ZFYVE28: variants seen among roughly 807,000 people sequenced by gnomAD.
ZFYVE28 encodes the protein lateral signaling target protein 2 homolog.
A neutral mutation model predicts 82.1 loss-of-function variants in ZFYVE28; 40 were observed. The ratio of observed to expected loss-of-function variants is 0.49; its 90% CI spans 0.38 to 0.63. The LOEUF is 0.63. Among genes scored for constraint, ZFYVE28 ranks in the 30% least tolerant of loss-of-function variants. The pLI is 0.00. For synonymous variants in ZFYVE28, 612 were observed against 546.1 expected (o/e 1.12, Z -1.68); for missense variants, 1,321 against 1,242.1 (o/e 1.06, Z -0.96).
At chr4:2,318,425 GCGTA>G (rs1718546102) in intron 7 of ZFYVE28, among the ~76,000 whole-genome samples, 1 of 152,244 alleles carries the variant, frequency 6.6e-6, no homozygotes, top group East Asian at 1.9e-4. Context: ...GGGCATGGTG[GCGTA>G]CACCCGTAAT....
chr4:2,373,207 A>G (rs1727755419), intron 1 of ZFYVE28, among the ~76,000 whole-genome samples: 2 of 152,310 alleles, frequency 1.3e-5, no homozygotes, highest in South Asian at 4.1e-4. Flanking sequence ...TTTTATTATA[A>G]AAAGTATGAG....
intron 6 of ZFYVE28, among the ~76,000 whole-genome samples, chr4:2,322,371 C>T (rs79315658): frequency 0.044 from 6,641 of 152,206 alleles, 224 homozygotes; most frequent in Non-Finnish European, 0.072. Flanking sequence ...GGCTACAGCC[C>T]GACAGGCCAC....
chr4:2,352,820 T>C (rs1724674435), intron 2 of ZFYVE28, among the ~76,000 whole-genome samples: 1 of 152,134 alleles, frequency 6.6e-6, no homozygotes, highest in African/African-American at 2.4e-5. Context: ...TCACAGAGCA[T>C]GTAAAGGGAA....
chr4:2,292,015 G>T (rs528175315), intron 8 of ZFYVE28, among the ~76,000 whole-genome samples: 3 of 152,280 alleles, frequency 2.0e-5, no homozygotes, highest in African/African-American at 7.2e-5. Flanking sequence ...AGCCCTCAGT[G>T]CCACCTCCTT....
intron 8 of ZFYVE28, among the ~76,000 whole-genome samples, chr4:2,285,123 C>G (rs4974669): frequency 0.69 from 104,317 of 152,168 alleles, 37,282 homozygotes; most frequent in African/African-American, 0.89. Context: ...AGGCCCACAC[C>G]TGGGCAGAAC....
chr4:2,309,307 T>C (rs1717160703), intron 7 of ZFYVE28, among the ~76,000 whole-genome samples: 1 of 152,178 alleles, frequency 6.6e-6, no homozygotes, highest in Non-Finnish European at 1.5e-5. Flanking sequence ...AGCCACTTGA[T>C]CTTGGACCTC....
intron 7 of ZFYVE28, among the ~76,000 whole-genome samples, chr4:2,306,317 C>T (rs1267610604): frequency 3.9e-5 from 6 of 152,240 alleles, no homozygotes; most frequent in African/African-American, 9.6e-5. Context: ...TCCAGCACAG[C>T]CATGGCTATT....
At chr4:2,349,746 T>C (rs1724085307) in intron 2 of ZFYVE28, among the ~76,000 whole-genome samples, 1 of 151,888 alleles carries the variant, frequency 6.6e-6, no homozygotes, top group South Asian at 2.1e-4. Context: ...ACCATCAATG[T>C]AATTTACCAT....
intron 1 of ZFYVE28, among the ~76,000 whole-genome samples, chr4:2,368,337 A>G (rs1360397899): frequency 6.6e-6 from 1 of 152,070 alleles, no homozygotes; most frequent in African/African-American, 2.4e-5. Context: ...GGGAGGTGGA[A>G]GTTAGAGTGA....
Position 2,341,262 on chromosome 4 carries a change from T to G in ZFYVE28, c.318+216A>C, listed in dbSNP as rs752745622. 2 of 624,380 alleles carry G rather than the reference T, an allele frequency of 3.2e-6. No individual in the cohort carries two copies. The highest frequency in any genetic ancestry group is 5.5e-6 in the Non-Finnish European group (2 of 360,430). 38.7% of individuals were successfully genotyped at this position (624,380 alleles called of 1,614,324 possible). On this transcript the variant is annotated intron_variant, in intron 3 of 12. Coordinates refer to ENST00000290974, the MANE Select transcript of ZFYVE28 (RefSeq NM_020972.3). This position sits in a 1 kb window ranked among gnomAD's most constrained non-coding sequence, Gnocchi z 4.5. ...CCACATGGGAAATTTCATTTGTATG[T>G]ATAGTTTTGGGGGCACCAGTTCATG...
chr4:2,284,411 G>C (rs958126806), intron 8 of ZFYVE28, among the ~76,000 whole-genome samples: 2 of 152,204 alleles, frequency 1.3e-5, no homozygotes. Flanking sequence ...CCATGATGGG[G>C]AGGAGGAGAG....
Position 2,409,372 on chromosome 4 carries a change from C to T in ZFYVE28, c.39+8913G>A, listed in dbSNP as rs1052249440. On this transcript the variant is annotated intron_variant, in intron 1 of 12. Transcript: ENST00000290974. This position sits in a 1 kb window ranked among gnomAD's most constrained non-coding sequence, Gnocchi z 4.4. ...CTCTCCCACAGCAGGCCTGGAAGGA[C>T]CCCGCAAACAGCAGTGCTGACCCCA... 6.6e-6 allele frequency among the ~76,000 whole-genome samples: 1 copy of T among 152,090 alleles called. No individual in the cohort carries two copies. Among genetic ancestry groups the T allele is most frequent in the Admixed American group, 6.5e-5 (1 of 15,274 alleles).
At chr4:2,281,112 C>T (rs1711903193) in intron 8 of ZFYVE28, among the ~76,000 whole-genome samples, 2 of 152,188 alleles carry the variant, frequency 1.3e-5, no homozygotes, top group Admixed American at 1.3e-4. Context: ...TGGCTGGAAG[C>T]TCTGGTGGCG....
At chr4:2,297,611 G>T (rs1203131472) in intron 8 of ZFYVE28, among the ~76,000 whole-genome samples, 1 of 152,264 alleles carries the variant, frequency 6.6e-6, no homozygotes, top group Admixed American at 6.5e-5. Context: ...GCAAAGCCAA[G>T]ACTGATCATG....
chr4:2,403,007 G>A (rs1309222656), intron 1 of ZFYVE28, among the ~76,000 whole-genome samples: 3 of 152,240 alleles, frequency 2.0e-5, no homozygotes, highest in East Asian at 3.8e-4. Context: ...TGAGGCTGGC[G>A]TGCCATTATC....
chr4:2,370,136 A>C (rs186994133), intron 1 of ZFYVE28, among the ~76,000 whole-genome samples: 5 of 152,022 alleles, frequency 3.3e-5, no homozygotes, highest in South Asian at 4.2e-4. Flanking sequence ...GTGTGAACCA[A>C]CACGCCCGGC....
rs1046880867 is a variant in ZFYVE28, at chr4:2,372,443, C to T, written c.40-18370G>A. Among the ~76,000 whole-genome samples the T allele has an allele frequency of 2.7e-4, 39 of 145,034 alleles. No individual in the cohort carries two copies. The highest frequency in any genetic ancestry group is 9.6e-4 in the African/African-American group (37 of 38,676). ...CAGGTTCCAGTGCTGGGTCTTTGGC[C>T]TCAAGGTTCACCCAACACCTGACTC... On this transcript the variant is annotated intron_variant, in intron 1 of 12. Coordinates refer to ENST00000290974, the MANE Select transcript of ZFYVE28 (RefSeq NM_020972.3). This position sits in a 1 kb window ranked among gnomAD's most constrained non-coding sequence, Gnocchi z 5.2.
chr4:2,328,804 CTTTTTTTTT>C (rs34334027), intron 6 of ZFYVE28: 1 of 212,440 alleles, frequency 4.7e-6, no homozygotes, highest in African/African-American at 2.5e-5. Flanking sequence ...CAACTTTGTT[CTTTTTTTTT>C]TTTTTTTCCA....
At chr4:2,400,524 G>A (rs1422156634) in intron 1 of ZFYVE28, among the ~76,000 whole-genome samples, 2 of 152,110 alleles carry the variant, frequency 1.3e-5, no homozygotes, top group Non-Finnish European at 2.9e-5. Context: ...GGGTATATTA[G>A]TCAGGGCTCT....
Sources: gnomAD v4.1 joint callset for allele counts (sites outside exome capture counted in the v4.1 genomes callset) on GRCh38, gnomAD v4.1.1 for gene constraint, Gnocchi (gnomAD v3.1) non-coding constraint, MANE v1.5 for transcripts, NCBI Gene and HGNC (gene_info 2026-07-23, HGNC 2026-07-21) for gene names.